Variants in TNK2 observed in about 807,000 individuals in gnomAD.
TNK2 encodes tyrosine kinase non receptor 2.
In TNK2, 83 loss-of-function variants were observed where a neutral mutation model predicts 101.8. The ratio of observed to expected loss-of-function variants is 0.82; its 90% CI spans 0.68 to 0.98. The LOEUF is 0.98. Among genes scored for constraint, TNK2 ranks in the 50% least tolerant of loss-of-function variants. The pLI is 0.00. For synonymous variants in TNK2, 804 were observed against 633.0 expected (o/e 1.27, Z -4.06); for missense variants, 1,665 against 1,483.2 (o/e 1.12, Z -2.01).
intron 2 of TNK2, 32 bp from the exon 3 acceptor site, chr3:195,887,079 A>G: frequency 6.4e-7 from 1 of 1,560,306 alleles, no homozygotes. Context: ...GCGTGCTGTG[A>G]AGGCCGCCGT....
chr3:195,870,395 G>T (rs770887885), intron 10 of TNK2, 190 bp from the exon 11 acceptor site: 11 of 1,452,940 alleles, frequency 7.6e-6, no homozygotes, highest in Non-Finnish European at 1.0e-5. Context: ...AGAAGGCAGA[G>T]AAAGGACACC....
Position 195,868,872 on chromosome 3 carries a change from C to T in TNK2, c.1589-163G>A, listed in dbSNP as rs1576995486. The T allele has an allele frequency of 1.4e-5, 10 of 738,192 alleles. No homozygotes were observed. In the East Asian group the frequency reaches 2.4e-4, roughly 18 times the overall value. The allele number at this position is 738,192 out of a possible 1,614,324, so 45.7% of individuals were successfully genotyped here. On this transcript the variant is annotated intron_variant, in intron 12 of 15. Transcript: ENST00000672887. ...GCCACCGGCGGCCAGGTTCTCAGCG[C>T]ACCTCCGACCACTCCATCAGGAGGG...
Position 195,879,167 on chromosome 3 carries a change from G to A in TNK2, c.896C>T (p.Pro299Leu). ...GAAGGTGCGTGTCTTCAGGCTCTCG[G>A]GGGCACACCTGGCAGAGGCAGGGGT... Reference protein sequence around the residue: ...HRKVPFAWCAPESLKTRTFSH... With the variant: ...HRKVPFAWCALESLKTRTFSH... The change falls in exon 7 of 16, where the codon CCC (proline) becomes CTC (leucine). Residue 299 changes from proline (P) to leucine (L), a missense_variant. By Grantham distance (98) the Pro-to-Leu change is moderately conservative (BLOSUM62 -3). Coordinates refer to ENST00000672887, the MANE Select transcript of TNK2 (RefSeq NM_001382273.1). 1 of 1,613,388 alleles carries A rather than the reference G, an allele frequency of 6.2e-7. No individual in the cohort carries two copies. The highest frequency in any genetic ancestry group is 8.5e-7 in the Non-Finnish European group (1 of 1,179,988).
At chr3:195,869,383 ACACC>A in intron 12 of TNK2, 110 bp downstream of exon 12, 1 of 1,052,608 alleles carries the variant, frequency 9.5e-7, no homozygotes, top group Non-Finnish European at 1.4e-6. Context: ...CTCACAGCAC[ACACC>A]CACCCACCTC....
intron 15 of TNK2, 31 bp from the exon 16 acceptor site, chr3:195,864,218 A>T: frequency 1.2e-6 from 2 of 1,613,730 alleles, no homozygotes; most frequent in Non-Finnish European, 8.5e-7. Context: ...AGCACAGTTA[A>T]ACAGTTTACA....
chr3:195,868,240 G>A lies in TNK2; in HGVS notation c.2058C>T (p.Ala686=). The part of the protein sequence containing the change: ...AGPSQGQTNY[A]FVPEQARPPP... ...GCGGCCGCGCCTGCTCAGGCACAAAGGCGTAGTTGGTCTGGCCCTGGCTGG... is the reference window on the plus strand; with the variant it reads ...GCGGCCGCGCCTGCTCAGGCACAAAAGCGTAGTTGGTCTGGCCCTGGCTGG... Residue 686 remains alanine, a synonymous_variant, in exon 13 of 16, where the codon GCC becomes GCT. Coordinates refer to ENST00000672887, the MANE Select transcript of TNK2 (RefSeq NM_001382273.1). The A allele has an allele frequency of 3.7e-6, 6 of 1,605,706 alleles. No homozygotes were observed. Among genetic ancestry groups the A allele is most frequent in the Non-Finnish European group, 5.1e-6 (6 of 1,179,512 alleles).
chr3:195,883,120 C>T, intron 5 of TNK2, 37 bp downstream of exon 5: 1 of 1,595,856 alleles, frequency 6.3e-7, no homozygotes, highest in Non-Finnish European at 8.5e-7. Context: ...GACCGGAGCC[C>T]TCTCCCTGCC....
chr3:195,872,124 AG>A, intron 10 of TNK2, 151 bp downstream of exon 10: 1 of 893,004 alleles, frequency 1.1e-6, no homozygotes, highest in Middle Eastern at 3.4e-4. Flanking sequence ...GCTTCCCGAG[AG>A]TAAGGCCAGG....
chr3:195,868,892 G>T, intron 12 of TNK2, 183 bp from the exon 13 acceptor site: 1 of 661,526 alleles, frequency 1.5e-6, no homozygotes, highest in Non-Finnish European at 2.4e-6. Flanking sequence ...CACTCCATCA[G>T]GAGGGCGGAA....
In TNK2 at chr3:195,868,096, C is replaced by T; in HGVS notation, c.2202G>A (p.Gln734=). 6.2e-7 allele frequency: 1 copy of T among 1,610,862 alleles called. No individual in the cohort carries two copies. The highest frequency in any genetic ancestry group is 1.7e-4 in the Middle Eastern group (1 of 6,056). ...ALQQECMRQL[Q]APAGSPAPSP... ...AGGGGGCCGGGGAGCCGGCCGGAGC[C>T]TGCAGTTGCCTCATGCACTCCTGCT... Residue 734 remains glutamine, a synonymous_variant, in exon 13 of 16, where the codon CAG becomes CAA. Coordinates refer to ENST00000672887, the MANE Select transcript of TNK2 (RefSeq NM_001382273.1).
Position 195,870,177 on chromosome 3 carries a change from G to A in TNK2, c.1480C>T (p.Pro494Ser). The A allele has an allele frequency of 1.3e-6, 2 of 1,544,134 alleles. No individual in the cohort carries two copies. The highest frequency in any genetic ancestry group is 1.4e-5 in the African/African-American group (1 of 73,582). ...ELYLGNPMDP[P>S]DLLSVELSTS... ...CTCAGTTCCACGCTCAGGAGGTCGG[G>A]GGGGTCCATGGGGTTTCCCAGATAC... Residue 494 changes from proline to serine, a missense_variant, in exon 11 of 16, where the codon CCC becomes TCC. Pro to Ser is a moderately conservative substitution (Grantham distance 74). Coordinates refer to ENST00000672887, the MANE Select transcript of TNK2 (RefSeq NM_001382273.1).
chr3:195,901,249 G>A (rs1219258208), intron 1 of TNK2, among the ~76,000 whole-genome samples: 5 of 152,214 alleles, frequency 3.3e-5, no homozygotes, highest in African/African-American at 1.2e-4. Context: ...CCAGGAAGCT[G>A]TCATCGGGAA....
Position 195,872,395 on chromosome 3 carries a change from G to T in TNK2, c.1332C>A (p.Thr444=), listed in dbSNP as rs372973718. 1.4e-5 allele frequency: 23 copies of T among 1,613,204 alleles called. No individual in the cohort carries two copies. In the East Asian group the frequency reaches 4.7e-4, roughly 33 times the overall value. ...CVGPFPRNVV[T]SVAGLSAQDI... ...CCTGGGCCGACAGGCCGGCCACGGAGGTCACCACGTTGCGAGGGAAGGGCC... is the reference window on the plus strand; with the variant it reads ...CCTGGGCCGACAGGCCGGCCACGGATGTCACCACGTTGCGAGGGAAGGGCC... The change falls in exon 10 of 16, where the codon ACC becomes ACA. Residue 444 remains threonine, a synonymous_variant. Transcript: ENST00000672887.
Position 195,868,728 on chromosome 3 carries a change from G to C in TNK2, c.1589-19C>G. The C allele has an allele frequency of 6.5e-7, 1 of 1,530,868 alleles. No individual in the cohort carries two copies. The highest frequency in any genetic ancestry group is 1.2e-5 in the South Asian group (1 of 83,598). 94.8% of individuals were successfully genotyped at this position (1,530,868 alleles called of 1,614,324 possible). ...GTTGGTTCTGTGATGGAAAGGGAGAGCCCAACAGGAAGGCAGTCAGGCAGG... is the reference window on the plus strand; with the variant it reads ...GTTGGTTCTGTGATGGAAAGGGAGACCCCAACAGGAAGGCAGTCAGGCAGG... On this transcript the variant is annotated intron_variant, in intron 12 of 15. Coordinates refer to ENST00000672887, the MANE Select transcript of TNK2 (RefSeq NM_001382273.1).
intron 1 of TNK2, chr3:195,896,329 T>C (rs1760498354): frequency 3.2e-6 from 1 of 312,310 alleles, no homozygotes; most frequent in South Asian, 2.2e-5. Flanking sequence ...ACAGATGCTG[T>C]GACCTCTCCT....
chr3:195,890,238 G>C (rs1757821917), intron 1 of TNK2, among the ~76,000 whole-genome samples: 1 of 152,148 alleles, frequency 6.6e-6, no homozygotes, highest in Admixed American at 6.5e-5. Context: ...AGCCCCCTAT[G>C]GGACAGTTCT....
intron 1 of TNK2, among the ~76,000 whole-genome samples, chr3:195,907,675 C>T (rs1483387077): frequency 1.3e-5 from 2 of 152,238 alleles, no homozygotes; most frequent in East Asian, 3.8e-4. Context: ...AAATACAGCC[C>T]CCACCCTTGG....
intron 15 of TNK2, 59 bp from the exon 16 acceptor site, chr3:195,864,246 G>A (rs1022966712): frequency 3.1e-6 from 5 of 1,609,460 alleles, no homozygotes; most frequent in East Asian, 2.2e-5. Flanking sequence ...CAGCGGGGCA[G>A]GCACCGGGGG....
intron 1 of TNK2, among the ~76,000 whole-genome samples, chr3:195,897,213 T>G (rs1553917293): frequency 6.6e-6 from 1 of 152,214 alleles, no homozygotes; most frequent in Non-Finnish European, 1.5e-5. Flanking sequence ...CCAGGCTGGG[T>G]GCCCTCAGAA....
Sources: gnomAD v4.1 joint callset for allele counts (sites outside exome capture counted in the v4.1 genomes callset) on GRCh38, gnomAD v4.1.1 for gene constraint, MANE v1.5 for transcripts, NCBI Gene and HGNC (gene_info 2026-07-23, HGNC 2026-07-21) for gene names.